The following CNTN5 variants were observed in gnomAD, a reference collection of about 807,000 sequenced individuals.
CNTN5 encodes contactin-5.
A neutral mutation model predicts 129.1 loss-of-function variants in CNTN5; 77 were observed. The observed-to-expected ratio is 0.60, with a 90% CI of 0.50 to 0.72. CNTN5 has a LOEUF of 0.72. Among genes scored for constraint, CNTN5 ranks in the 30% least tolerant of loss-of-function variants. The pLI is 0.00. For missense variants in CNTN5, 1,478 were observed against 1,328.8 expected, an observed-to-expected ratio of 1.11 and a Z score of -1.75; for synonymous variants, 509 against 465.6, an observed-to-expected ratio of 1.09 and a Z score of -1.20.
At chr11:99,508,418 G>C (rs1946705367) in intron 2 of CNTN5, among the ~76,000 whole-genome samples, 2 of 151,998 alleles carry the variant, frequency 1.3e-5, no homozygotes, top group Non-Finnish European at 2.9e-5. Context: ...GGACACAGAG[G>C]GCCGGCTTTT....
chr11:100,101,308 A>C (rs1158132147), intron 13 of CNTN5, among the ~76,000 whole-genome samples: 1 of 152,124 alleles, frequency 6.6e-6, no homozygotes, highest in African/African-American at 2.4e-5. Flanking sequence ...GTGTAAACAG[A>C]CATGATATTC....
At chr11:99,037,452 A>G (rs569176434) in intron 1 of CNTN5, among the ~76,000 whole-genome samples, 3 of 151,944 alleles carry the variant, frequency 2.0e-5, no homozygotes, top group African/African-American at 4.8e-5. Context: ...CAATGCATAT[A>G]TTTTAAATTG....
intron 2 of CNTN5, among the ~76,000 whole-genome samples, chr11:99,528,118 G>A (rs1174199605): frequency 6.6e-6 from 1 of 152,028 alleles, no homozygotes; most frequent in Non-Finnish European, 1.5e-5. Flanking sequence ...AAATTCAGGA[G>A]AACTATCCTA....
intron 2 of CNTN5, among the ~76,000 whole-genome samples, chr11:99,537,314 A>G (rs184788595): frequency 6.6e-6 from 1 of 152,326 alleles, no homozygotes; most frequent in East Asian, 1.9e-4. Context: ...GCAAGCAAAT[A>G]AATCGTCTTA....
At chr11:99,094,236 A>T (rs938365195) in intron 1 of CNTN5, among the ~76,000 whole-genome samples, 3 of 151,970 alleles carry the variant, frequency 2.0e-5, no homozygotes, top group Non-Finnish European at 4.4e-5. Flanking sequence ...AATATAATGC[A>T]TTATTGATTA....
chr11:99,207,594 T>G (rs967720322), intron 1 of CNTN5, among the ~76,000 whole-genome samples: 2 of 152,212 alleles, frequency 1.3e-5, no homozygotes, highest in Non-Finnish European at 2.9e-5. Context: ...ACTTTATGTT[T>G]TATAGTAGAT....
At chr11:99,597,723 G>C (rs766093413) in intron 3 of CNTN5, among the ~76,000 whole-genome samples, 2 of 152,118 alleles carry the variant, frequency 1.3e-5, no homozygotes, top group Non-Finnish European at 2.9e-5. Context: ...CCAGTGCCCA[G>C]CTGGCCACAC....
chr11:100,039,035 C>T (rs912259766), intron 9 of CNTN5, among the ~76,000 whole-genome samples: 5 of 152,072 alleles, frequency 3.3e-5, no homozygotes, highest in African/African-American at 9.7e-5. Context: ...TTATTTTGCT[C>T]ATTAGTTGAT....
chr11:99,807,435 C>T (rs1437355929), intron 3 of CNTN5, among the ~76,000 whole-genome samples: 1 of 152,098 alleles, frequency 6.6e-6, no homozygotes, highest in East Asian at 1.9e-4. Context: ...GAAGTTTTAA[C>T]AAAACACATA....
Position 100,000,862 on chromosome 11 carries a change from C to T in CNTN5, c.878-1172C>T, listed in dbSNP as rs577647454. On this transcript the variant is annotated intron_variant, in intron 8 of 24. Coordinates refer to ENST00000524871, the MANE Select transcript of CNTN5 (RefSeq NM_014361.4). ...ATTTGCCAAGGCTTGGGGCTTGCAC[C>T]TCTGAAGCAATGGCCTGAGCTGTAT... Among the ~76,000 whole-genome samples, 7 of 152,288 alleles carry T rather than the reference C, an allele frequency of 4.6e-5. No homozygotes were observed. In the South Asian group the frequency reaches 8.3e-4, roughly 18 times the overall value.
chr11:99,965,698 C>A (rs577748768), intron 8 of CNTN5, among the ~76,000 whole-genome samples: 140 of 152,164 alleles, frequency 9.2e-4, no homozygotes, highest in African/African-American at 3.2e-3. Context: ...GAGCTGAGTT[C>A]AATTCCTGGA....
intron 13 of CNTN5, among the ~76,000 whole-genome samples, chr11:100,185,368 A>G (rs1948268234): frequency 6.6e-6 from 1 of 152,078 alleles, no homozygotes; most frequent in Non-Finnish European, 1.5e-5. Flanking sequence ...CTCCAGATTC[A>G]TTCTCCACCC....
intron 2 of CNTN5, among the ~76,000 whole-genome samples, chr11:99,465,873 C>CA (rs1491145705): frequency 1.2e-5 from 1 of 80,358 alleles, no homozygotes; most frequent in African/African-American, 4.7e-5. Flanking sequence ...GTGCCACACA[C>CA]CTTTTTTTTT....
chr11:99,649,815 A>G (rs1198325491), intron 3 of CNTN5, among the ~76,000 whole-genome samples: 1 of 151,758 alleles, frequency 6.6e-6, no homozygotes, highest in Non-Finnish European at 1.5e-5. Flanking sequence ...GGCTCTGTTT[A>G]CTCAAGGTTA....
chr11:99,427,584 G>A lies in CNTN5; in HGVS notation c.-71+102100G>A, dbSNP rs921756526. ...GATTGAGACCATCTTGGCTAACACGGTAAAACCCTGTCTCTACTAAAAATA... is the reference window on the plus strand; with the variant it reads ...GATTGAGACCATCTTGGCTAACACGATAAAACCCTGTCTCTACTAAAAATA... On this transcript the variant is annotated intron_variant, in intron 2 of 24. Transcript: ENST00000524871. 3.3e-5 allele frequency among the ~76,000 whole-genome samples: 5 copies of A among 151,666 alleles called. No individual in the cohort carries two copies. The East Asian group carries it at 9.7e-4, about 29-fold the overall frequency.
intron 7 of CNTN5, among the ~76,000 whole-genome samples, chr11:99,953,537 T>C (rs1950725098): frequency 6.6e-6 from 1 of 152,202 alleles, no homozygotes; most frequent in African/African-American, 2.4e-5. Flanking sequence ...AAATCCAAAG[T>C]ATACTCTCTG....
intron 1 of CNTN5, among the ~76,000 whole-genome samples, chr11:99,270,152 T>G (rs1863107138): frequency 6.6e-6 from 1 of 151,902 alleles, no homozygotes; most frequent in African/African-American, 2.4e-5. Context: ...TTTTATTTCA[T>G]TTTTAACTGA....
chr11:100,089,697 A>G (rs1025942854), intron 13 of CNTN5, among the ~76,000 whole-genome samples: 1 of 152,188 alleles, frequency 6.6e-6, no homozygotes, highest in African/African-American at 2.4e-5. Context: ...CATATACGTC[A>G]TGGAATACTA....
At chr11:99,313,749 C>A (rs1246999583) in intron 1 of CNTN5, among the ~76,000 whole-genome samples, 1 of 152,016 alleles carries the variant, frequency 6.6e-6, no homozygotes, top group African/African-American at 2.4e-5. Flanking sequence ...TCCACTTAAA[C>A]TGTGTCTATA....
Sources: gnomAD v4.1 joint callset for allele counts (sites outside exome capture counted in the v4.1 genomes callset) on GRCh38, gnomAD v4.1.1 for gene constraint, MANE v1.5 for transcripts, NCBI Gene and HGNC (gene_info 2026-07-23, HGNC 2026-07-21) for gene names.